PDS5B: variants seen among roughly 807,000 people sequenced by gnomAD.
PDS5B encodes the protein PDS5 cohesin associated factor B.
A neutral mutation model predicts 184.1 loss-of-function variants in PDS5B; 51 were observed. The observed-to-expected ratio is 0.28, with a 90% CI of 0.22 to 0.35. The LOEUF is 0.35. PDS5B is among the 10% of genes least tolerant of loss of function. The pLI is 1.00. For missense variants in PDS5B, 1,180 were observed against 1,723.3 expected (o/e 0.68, Z 5.58); for synonymous variants, 566 against 569.2 (o/e 0.99, Z 0.08).
intron 14 of PDS5B, 46 bp downstream of exon 14, chr13:32,694,350 T>A (rs1951640561): frequency 8.9e-7 from 1 of 1,122,678 alleles, no homozygotes; most frequent in Non-Finnish European, 1.3e-6. Flanking sequence ...ACACATGTAT[T>A]TTAATTACTA....
chr13:32,656,164 G>A (rs1016522233), intron 3 of PDS5B, among the ~76,000 whole-genome samples: 5 of 151,118 alleles, frequency 3.3e-5, no homozygotes, highest in Non-Finnish European at 5.9e-5. Flanking sequence ...TGGACTTTCT[G>A]TTATGTTCCA....
chr13:32,678,993 TA>T (rs940085745), intron 10 of PDS5B, 64 bp downstream of exon 10: 24 of 871,728 alleles, frequency 2.8e-5, no homozygotes, highest in South Asian at 1.3e-4. Context: ...ATAAGTTTCA[TA>T]GGGGGAAAAA....
intron 21 of PDS5B, among the ~76,000 whole-genome samples, chr13:32,740,332 T>G (rs1183709352): frequency 6.6e-6 from 1 of 152,220 alleles, no homozygotes; most frequent in Non-Finnish European, 1.5e-5. Context: ...GTGATTCCTT[T>G]TTCATTATTT....
intron 3 of PDS5B, among the ~76,000 whole-genome samples, chr13:32,653,878 A>G (rs1950432073): frequency 6.6e-6 from 1 of 152,196 alleles, no homozygotes; most frequent in South Asian, 2.1e-4. Context: ...TAAGACTGCT[A>G]CTGTACAATT....
intron 2 of PDS5B, chr13:32,649,905 T>C (rs1004251154): frequency 3.3e-5 from 5 of 152,196 alleles, no homozygotes; most frequent in Admixed American, 2.6e-4. Context: ...GAATCCCTTC[T>C]ATATATGACA....
chr13:32,746,797 C>T (rs375457026), intron 24 of PDS5B, among the ~76,000 whole-genome samples: 1 of 152,194 alleles, frequency 6.6e-6, no homozygotes, highest in Non-Finnish European at 1.5e-5. Flanking sequence ...GGAATGTGCA[C>T]ATCTGGCTAC....
In PDS5B at chr13:32,648,817, T is replaced by C. The variant is rs1411676861; in HGVS notation, c.45T>C (p.Tyr15=). 1.1e-5 allele frequency: 17 copies of C among 1,566,460 alleles called. No individual in the cohort carries two copies. Among genetic ancestry groups the C allele is most frequent in the Non-Finnish European group, 1.4e-5 (16 of 1,136,702 alleles). Residue 15 remains tyrosine, a synonymous_variant, in exon 2 of 35, where the codon TAT becomes TAC. Coordinates refer to ENST00000315596, the MANE Select transcript of PDS5B (RefSeq NM_015032.4). The stretch of plus-strand genomic sequence containing the variant: ...GGACCAATGATGGAAAAATTACATA[T>C]CCGCCTGGGGTCAAGGAAATATCAG... ...KTRTNDGKIT[Y]PPGVKEISDK...
chr13:32,654,081 G>T (rs879476500), intron 3 of PDS5B, among the ~76,000 whole-genome samples: 2 of 152,160 alleles, frequency 1.3e-5, no homozygotes, highest in African/African-American at 2.4e-5. Flanking sequence ...AAAATGTTAA[G>T]TATTTGGTTT....
At chr13:32,736,635 A>G (rs1305372686) in intron 21 of PDS5B, among the ~76,000 whole-genome samples, 2 of 152,088 alleles carry the variant, frequency 1.3e-5, no homozygotes, top group African/African-American at 4.8e-5. Flanking sequence ...CTTCTTGTAT[A>G]TATAGCTTAA....
intron 19 of PDS5B, among the ~76,000 whole-genome samples, chr13:32,718,885 G>A (rs910532769): frequency 5.9e-5 from 9 of 152,294 alleles, no homozygotes; most frequent in Admixed American, 5.2e-4. Flanking sequence ...AATAATGGTG[G>A]ATGGGGGGAT....
intron 1 of PDS5B, among the ~76,000 whole-genome samples, chr13:32,631,588 T>G (rs1346281759): frequency 6.6e-6 from 1 of 152,238 alleles, no homozygotes; most frequent in Non-Finnish European, 1.5e-5. Context: ...ATGAATGATC[T>G]GAGTCTGTAT....
intron 1 of PDS5B, among the ~76,000 whole-genome samples, chr13:32,606,742 A>G (rs981499617): frequency 1.3e-5 from 2 of 152,046 alleles, no homozygotes; most frequent in East Asian, 3.9e-4. Flanking sequence ...ATAGTCCCAT[A>G]TTTCTTGGCT....
chr13:32,734,496 C>G (rs1953248488), intron 20 of PDS5B, among the ~76,000 whole-genome samples: 1 of 151,966 alleles, frequency 6.6e-6, no homozygotes, highest in South Asian at 2.1e-4. Flanking sequence ...ATGAAGATCC[C>G]CAAATTCAAG....
intron 7 of PDS5B, among the ~76,000 whole-genome samples, chr13:32,672,404 T>C (rs1229158136): frequency 6.6e-6 from 1 of 152,186 alleles, no homozygotes. Flanking sequence ...TATACATATA[T>C]GTGTGTATAT....
chr13:32,734,172 C>T (rs759639765), intron 20 of PDS5B, among the ~76,000 whole-genome samples: 3 of 151,914 alleles, frequency 2.0e-5, no homozygotes, highest in Admixed American at 6.6e-5. Context: ...GGACTACAGG[C>T]GTATGCCCCA....
chr13:32,606,988 C>G (rs1012120348), intron 1 of PDS5B, among the ~76,000 whole-genome samples: 7 of 152,158 alleles, frequency 4.6e-5, no homozygotes, highest in Non-Finnish European at 1.0e-4. Flanking sequence ...AGGTTTTTAG[C>G]TTCTTTGCGA....
intron 31 of PDS5B, among the ~76,000 whole-genome samples, chr13:32,766,459 G>A (rs1954591332): frequency 6.6e-6 from 1 of 152,128 alleles, no homozygotes; most frequent in South Asian, 2.1e-4. Flanking sequence ...TGGATAATGT[G>A]TAACGTTAGG....
In PDS5B at chr13:32,664,448, T is replaced by C. The variant is rs558246939; in HGVS notation, c.625-3316T>C. On this transcript the variant is annotated intron_variant, in intron 6 of 34. Coordinates refer to ENST00000315596, the MANE Select transcript of PDS5B (RefSeq NM_015032.4). ...ATCACCTTTATGTTGAAAATTGTTATAATTGACTGAAAAGCATAATAGAAG... is the reference window on the plus strand; with the variant it reads ...ATCACCTTTATGTTGAAAATTGTTACAATTGACTGAAAAGCATAATAGAAG... Among the ~76,000 whole-genome samples the C allele has an allele frequency of 7.9e-5, 12 of 152,338 alleles. No homozygotes were observed. In the East Asian group the frequency reaches 1.3e-3, roughly 17 times the overall value.
chr13:32,711,376 G>A (rs1454168801), intron 19 of PDS5B, among the ~76,000 whole-genome samples: 1 of 151,976 alleles, frequency 6.6e-6, no homozygotes, highest in Non-Finnish European at 1.5e-5. Context: ...ATTTGGAACT[G>A]ACTTGAAGTC....
Sources: allele counts gnomAD v4.1 joint callset (sites outside exome capture counted in the v4.1 genomes callset), GRCh38; gene constraint gnomAD v4.1.1; transcripts MANE v1.5; gene names NCBI Gene and HGNC (gene_info 2026-07-23, HGNC 2026-07-21).